The following CCDC158 variants were observed in gnomAD, a reference collection of about 807,000 sequenced individuals.
CCDC158 encodes the protein coiled-coil domain-containing protein 158.
In CCDC158, 116 loss-of-function variants were observed where a neutral mutation model predicts 138.6. The ratio of observed to expected loss-of-function variants is 0.84; its 90% CI spans 0.72 to 0.98. CCDC158 has a LOEUF of 0.98. Ranked by LOEUF, CCDC158 falls within the 50% of genes least tolerant of loss-of-function variation. The pLI is 0.00. For synonymous variants in CCDC158, 436 were observed against 442.4 expected (o/e 0.99, Z 0.18); for missense variants, 1,265 against 1,306.1 (o/e 0.97, Z 0.48).
intron 1 of CCDC158, among the ~76,000 whole-genome samples, chr4:76,413,755 T>C (rs1418732885): frequency 6.6e-6 from 1 of 152,180 alleles, no homozygotes; most frequent in Non-Finnish European, 1.5e-5. Flanking sequence ...TTGGACATTC[T>C]ATGATTTCCC....
intron 13 of CCDC158, 125 bp from the exon 14 acceptor site, chr4:76,357,651 T>A (rs766202892): frequency 4.4e-5 from 27 of 612,182 alleles, no homozygotes; most frequent in Non-Finnish European, 5.9e-5. Context: ...TTTAATTACA[T>A]CTTCCTTTGT....
intron 7 of CCDC158, 85 bp downstream of exon 7, chr4:76,383,577 T>C: frequency 1.1e-6 from 1 of 934,624 alleles, no homozygotes; most frequent in Non-Finnish European, 1.7e-6. Context: ...TTCAGAGCTG[T>C]TTAGATTTTG....
chr4:76,418,301 G>A lies in CCDC158; in HGVS notation c.-117+2664C>T, dbSNP rs572000139. ...GGGATTGACTACAGAAGGGTACAAG[G>A]CATCATTTTTGGATGATGAAAATGT... On this transcript the variant is annotated intron_variant, in intron 1 of 24. Transcript: ENST00000682701. Among the ~76,000 whole-genome samples the A allele has an allele frequency of 2.6e-5, 4 of 152,250 alleles. No homozygotes were observed. The East Asian group carries it at 7.7e-4, about 29-fold the overall frequency.
At position 76,348,253 on chromosome 4, in the gene CCDC158, T is replaced by C. The variant is rs1284088822; in HGVS notation, c.2664+2743A>G. ...TCCTGGCTAACACAGTGAAACCCCGTCTCTACTAAATATACAAAAAAAAAA... is the reference window on the plus strand; with the variant it reads ...TCCTGGCTAACACAGTGAAACCCCGCCTCTACTAAATATACAAAAAAAAAA... On this transcript the variant is annotated intron_variant, in intron 18 of 24. Transcript: ENST00000682701. 2.2e-5 allele frequency among the ~76,000 whole-genome samples: 3 copies of C among 133,476 alleles called. No individual in the cohort carries two copies. In the East Asian group the frequency reaches 6.4e-4, roughly 28 times the overall value. 87.6% of individuals were successfully genotyped at this position (133,476 alleles called of 152,430 possible). A position where few individuals can be genotyped will look rare whatever the true frequency, so the allele number is the denominator to read the frequency against.
chr4:76,371,376 C>A (rs1175462378), intron 10 of CCDC158, 41 bp downstream of exon 10: 1 of 1,584,110 alleles, frequency 6.3e-7, no homozygotes, highest in Admixed American at 1.7e-5. Context: ...TGAAAAACTT[C>A]CCAGAATTAG....
At chr4:76,380,234 A>G (rs1432934707) in intron 8 of CCDC158, among the ~76,000 whole-genome samples, 2 of 36,092 alleles carry the variant, frequency 5.5e-5, no homozygotes, top group South Asian at 7.6e-3. Flanking sequence ...GTTTGGAGGG[A>G]TCAGAAGACA....
chr4:76,357,399 C>T lies in CCDC158; in HGVS notation c.2148G>A (p.Lys716=), dbSNP rs1178202182. The change falls in exon 14 of 25, where the codon AAG becomes AAA. Residue 716 remains lysine, a synonymous_variant. Transcript: ENST00000682701. ...SELEQTRNTL[K]SMEGSDGHAM... is the part of the protein sequence containing the mutation. Reference sequence around the variant, plus strand: ...CATGACCATCAGATCCTTCCATTGACTTTAATGTATTTCTTGTCTGTTCTA... The same window carrying T: ...CATGACCATCAGATCCTTCCATTGATTTTAATGTATTTCTTGTCTGTTCTA... 1 of 1,586,672 alleles carries T rather than the reference C, an allele frequency of 6.3e-7. No homozygotes were observed. The highest frequency in any genetic ancestry group is 1.8e-5 in the Admixed American group (1 of 54,270).
At chr4:76,376,252 C>T (rs1363927833) in intron 9 of CCDC158, among the ~76,000 whole-genome samples, 1 of 152,062 alleles carries the variant, frequency 6.6e-6, no homozygotes, top group Non-Finnish European at 1.5e-5. Flanking sequence ...TTTGTAGAGA[C>T]AGAGTCCCAC....
chr4:76,331,950 T>C (rs1235522533), intron 20 of CCDC158, among the ~76,000 whole-genome samples: 1 of 152,216 alleles, frequency 6.6e-6, no homozygotes, highest in Non-Finnish European at 1.5e-5. Context: ...TCTTTGATTA[T>C]GGTCTTATTT....
Position 76,382,679 on chromosome 4 carries a change from C to T in CCDC158, c.845G>A (p.Gly282Glu), listed in dbSNP as rs112152984. 2,998 of 1,613,438 alleles carry T rather than the reference C, an allele frequency of 1.9e-3. 48 individuals are homozygous for T. The African/African-American group carries it at 0.035, about 19-fold the overall frequency. The stretch of plus-strand genomic sequence containing the variant: ...AGCACTGCTAGCTTTCTCAGTAAGT[C>T]CTGTTATTTCAACTTCATGTTCACT... ...LISEHEVEIT[G>E]LTEKASSARS... Residue 282 changes from glycine (G) to glutamate (E), a missense_variant, in exon 8 of 25, where the codon GGA (glycine) becomes GAA (glutamate). Transcript: ENST00000682701.
At chr4:76,359,297 T>C (rs1227698678) in intron 13 of CCDC158, among the ~76,000 whole-genome samples, 1 of 152,164 alleles carries the variant, frequency 6.6e-6, no homozygotes, top group East Asian at 1.9e-4. Context: ...AATGAACTAA[T>C]ACAGAAAAAT....
chr4:76,357,005 C>T (rs1309189619), intron 14 of CCDC158, among the ~76,000 whole-genome samples: 1 of 151,958 alleles, frequency 6.6e-6, no homozygotes, highest in Non-Finnish European at 1.5e-5. Context: ...AGCCAGGGAC[C>T]TACAGTTTAT....
chr4:76,402,991 G>C (rs1224282684), intron 3 of CCDC158, 147 bp downstream of exon 3: 1 of 594,228 alleles, frequency 1.7e-6, no homozygotes, highest in Non-Finnish European at 2.9e-6. Flanking sequence ...TCTTCAAAAA[G>C]TAGAATTATA....
chr4:76,388,904 C>G (rs1727064084), intron 4 of CCDC158, among the ~76,000 whole-genome samples: 1 of 152,132 alleles, frequency 6.6e-6, no homozygotes, highest in Non-Finnish European at 1.5e-5. Context: ...CCAAGACCAC[C>G]AAGGCAGTAT....
intron 12 of CCDC158, among the ~76,000 whole-genome samples, chr4:76,363,421 G>C (rs986207118): frequency 6.6e-6 from 1 of 152,148 alleles, no homozygotes; most frequent in Non-Finnish European, 1.5e-5. Flanking sequence ...TCCTTTCACT[G>C]TAATAAATCC....
At position 76,416,404 on chromosome 4, in the gene CCDC158, G is replaced by A. The variant is rs143543973; in HGVS notation, c.-116-4272C>T. 7.9e-3 allele frequency among the ~76,000 whole-genome samples: 1,195 copies of A among 152,130 alleles called. 11 individuals carry two copies. The highest frequency in any genetic ancestry group is 0.024 in the African/African-American group (1,004 of 41,500). ...TTTATTTCTACACTCTCTCATCTCC[G>A]CACACGGGGAGAAAACCCACTGACC... On this transcript the variant is annotated intron_variant, in intron 1 of 24. Transcript: ENST00000682701.
chr4:76,398,101 G>C (rs1343808799), intron 3 of CCDC158, among the ~76,000 whole-genome samples: 1 of 152,064 alleles, frequency 6.6e-6, no homozygotes, highest in African/African-American at 2.4e-5. Flanking sequence ...ACAAAAGATG[G>C]TTCTATAATG....
rs535670115 is a variant in CCDC158 at position 76,386,974 on chromosome 4, T to A, written c.289-2309A>T. 1.6e-4 allele frequency among the ~76,000 whole-genome samples: 24 copies of A among 152,146 alleles called. No homozygotes were observed. In the South Asian group the frequency reaches 4.8e-3, roughly 30 times the overall value. On this transcript the variant is annotated intron_variant, in intron 4 of 24. Transcript: ENST00000682701. ...TGCTGAAATGCGCTGGGGTCCTAGG[T>A]AAACTTGAAAGGCAGCCTAGGACAC...
chr4:76,404,692 G>A (rs1728674403), intron 2 of CCDC158, among the ~76,000 whole-genome samples: 1 of 152,048 alleles, frequency 6.6e-6, no homozygotes, highest in African/African-American at 2.4e-5. Context: ...AAGAAAATCA[G>A]GAAAGCCACC....
Sources: gnomAD v4.1 joint callset for allele counts (sites outside exome capture counted in the v4.1 genomes callset) on GRCh38, gnomAD v4.1.1 for gene constraint, MANE v1.5 for transcripts, NCBI Gene and HGNC (gene_info 2026-07-23, HGNC 2026-07-21) for gene names.